MAX: variants seen among roughly 807,000 people sequenced by gnomAD.
MAX encodes protein max.
Under a neutral mutation model 22.3 loss-of-function variants are expected in MAX, and 3 were observed. The ratio of observed to expected loss-of-function variants is 0.13; its 90% CI spans 0.06 to 0.35. MAX has a LOEUF of 0.35. MAX is among the 10% of genes least tolerant of loss of function. The pLI, the probability that MAX is intolerant of heterozygous loss-of-function variation, is 1.00. For missense variants in MAX, 119 were observed against 209.4 expected, an observed-to-expected ratio of 0.57 and a Z score of 2.66; for synonymous variants, 72 against 77.7, an observed-to-expected ratio of 0.93 and a Z score of 0.39.
At chr14:65,095,415 T>A (rs1303842041) in intron 2 of MAX, among the ~76,000 whole-genome samples, 3 of 152,224 alleles carry the variant, frequency 2.0e-5, no homozygotes, top group South Asian at 2.1e-4. Flanking sequence ...GAACACCACA[T>A]AACCTGAGGG....
intron 3 of MAX, among the ~76,000 whole-genome samples, chr14:65,064,934 C>T (rs2062915986): frequency 1.3e-5 from 2 of 152,238 alleles, no homozygotes; most frequent in Non-Finnish European, 1.5e-5. Context: ...GGCTTGATGC[C>T]CTCCTACCTC....
intron 3 of MAX, chr14:65,090,468 T>C (rs2063471750): frequency 6.6e-6 from 1 of 152,192 alleles, no homozygotes; most frequent in African/African-American, 2.4e-5. Flanking sequence ...TGCAATACAA[T>C]GTCAATTATT....
chr14:65,039,092 G>A (rs994445395), intron 3 of MAX, among the ~76,000 whole-genome samples: 3 of 152,200 alleles, frequency 2.0e-5, no homozygotes, highest in Admixed American at 1.3e-4. Context: ...CTCTACAGCT[G>A]TCTGTTCATA....
chr14:65,101,155 T>C (rs965857516), intron 2 of MAX, among the ~76,000 whole-genome samples: 3 of 152,232 alleles, frequency 2.0e-5, no homozygotes, highest in African/African-American at 7.2e-5. Context: ...CACACAATTA[T>C]ACAGATATGG....
intron 2 of MAX, among the ~76,000 whole-genome samples, chr14:65,095,171 T>G (rs748065160): frequency 6.6e-6 from 1 of 152,230 alleles, no homozygotes; most frequent in Admixed American, 6.5e-5. Flanking sequence ...CCTGTAGTCA[T>G]CTGAGTTACT....
At position 65,076,614 on chromosome 14, in the gene MAX, G is replaced by A. The variant is rs1414936007; in HGVS notation, c.345C>T (p.Tyr115=). The change falls in exon 5 of 5, where the codon TAC becomes TAT. Residue 115 remains tyrosine, a synonymous_variant. Transcript: ENST00000358664. The surrounding 1 kb of genome is among the most constrained non-coding windows in gnomAD (Gnocchi z 6.6). ...TGTAGAGGCTGTTGTCTGAGGAGGG[G>A]TAGTTGGTCTGCAGTTGGGCACTTG... is the stretch of plus-strand genomic sequence containing the variant. The part of the protein sequence containing the change: ...ARSSAQLQTN[Y]PSSDNSLYTN... 1 of 1,614,006 alleles carries A rather than the reference G, an allele frequency of 6.2e-7. No individual in the cohort carries two copies. Among genetic ancestry groups the A allele is most frequent in the Non-Finnish European group, 8.5e-7 (1 of 1,180,020 alleles).
chr14:65,102,622 A>G (rs2063885417), upstream of MAX: 2 of 1,256,236 alleles, frequency 1.6e-6, no homozygotes, highest in Non-Finnish European at 2.0e-6. Flanking sequence ...TCCCTCTAAC[A>G]GACGGCCCGG....
chr14:65,026,360 G>C (rs1195318564), intron 3 of MAX, among the ~76,000 whole-genome samples: 3 of 152,308 alleles, frequency 2.0e-5, no homozygotes, highest in East Asian at 1.9e-4. Context: ...AGGCTTGGAG[G>C]CAAACCCTCA....
At chr14:65,101,438 A>C (rs1376313947) in intron 2 of MAX, 108 bp downstream of exon 2, 2 of 1,026,340 alleles carry the variant, frequency 1.9e-6, no homozygotes, top group African/African-American at 1.6e-5. Flanking sequence ...TTAACATTAG[A>C]GTTTACTACA....
At chr14:65,041,313 A>G (rs929856860) in intron 3 of MAX, among the ~76,000 whole-genome samples, 1 of 152,244 alleles carries the variant, frequency 6.6e-6, no homozygotes, top group Non-Finnish European at 1.5e-5. Context: ...CTGTGTAAAC[A>G]TTTAGTACCT....
chr14:65,097,386 G>A (rs2063702293), intron 2 of MAX, among the ~76,000 whole-genome samples: 1 of 152,212 alleles, frequency 6.6e-6, no homozygotes, highest in Admixed American at 6.5e-5. Flanking sequence ...ACATCAGTCA[G>A]TAATCTTATT....
chr14:65,042,436 A>C (rs2062373886), intron 3 of MAX, among the ~76,000 whole-genome samples: 1 of 152,208 alleles, frequency 6.6e-6, no homozygotes, highest in Non-Finnish European at 1.5e-5. Flanking sequence ...GAAGCCTGGC[A>C]TACACGGTTC....
chr14:65,086,050 C>T (rs756150800), intron 3 of MAX, among the ~76,000 whole-genome samples: 3 of 152,146 alleles, frequency 2.0e-5, no homozygotes, highest in Non-Finnish European at 4.4e-5. Context: ...TTCGTGAGAG[C>T]TGATGGTTTT....
chr14:65,006,988 G>A (rs958268402), intron 3 of MAX, among the ~76,000 whole-genome samples: 1 of 152,140 alleles, frequency 6.6e-6, no homozygotes, highest in Admixed American at 6.5e-5. Flanking sequence ...TGTGGAAATA[G>A]AATATATCAG....
intron 3 of MAX, among the ~76,000 whole-genome samples, chr14:65,024,175 C>A (rs1361591276): frequency 6.6e-6 from 1 of 151,938 alleles, no homozygotes; most frequent in African/African-American, 2.4e-5. Flanking sequence ...TAGCAAGATC[C>A]ACAGGTAATT....
At chr14:65,017,919 C>T (rs147683247) in intron 3 of MAX, among the ~76,000 whole-genome samples, 265 of 152,192 alleles carry the variant, frequency 1.7e-3, no homozygotes, top group Non-Finnish European at 3.3e-3. Flanking sequence ...TGCGCCTTTG[C>T]ACTCCAGTCC....
chr14:65,019,959 G>T (rs911315821), intron 3 of MAX, among the ~76,000 whole-genome samples: 3 of 152,206 alleles, frequency 2.0e-5, no homozygotes, highest in Admixed American at 2.0e-4. Context: ...TTTGAAATGC[G>T]TTCAGTTTTC....
rs909960054 is a variant in MAX, at chr14:65,075,777, G to A, written c.*699C>T. ...TGCTGCCATCTCCCATACATACCAC[G>A]AGAGTGTCACACGGCCCTCCGTGAG... On this transcript the variant is annotated 3_prime_UTR_variant, in exon 5 of 5. Transcript: ENST00000358664. This position sits in a 1 kb window ranked among gnomAD's most constrained non-coding sequence, Gnocchi z 4.1. The A allele has an allele frequency of 3.8e-6, 4 of 1,066,388 alleles. No homozygotes were observed. Among genetic ancestry groups the A allele is most frequent in the Non-Finnish European group, 4.5e-6 (4 of 879,906 alleles). The allele number at this position is 1,066,388 out of a possible 1,614,324, so 66.1% of individuals were successfully genotyped here.
intron 3 of MAX, among the ~76,000 whole-genome samples, chr14:65,085,266 A>G (rs140192668): frequency 2.0e-5 from 3 of 152,214 alleles, no homozygotes; most frequent in African/African-American, 7.2e-5. Flanking sequence ...TTAAAATGCA[A>G]TTGTGACTCA....
Sources: allele counts gnomAD v4.1 joint callset (sites outside exome capture counted in the v4.1 genomes callset), GRCh38; gene constraint gnomAD v4.1.1; non-coding constraint Gnocchi (gnomAD v3.1); transcripts MANE v1.5; gene names NCBI Gene and HGNC (gene_info 2026-07-23, HGNC 2026-07-21).